The following AACS variants were observed in gnomAD, a reference collection of about 807,000 sequenced individuals.
The protein encoded by AACS is acetoacetyl-CoA synthetase.
A neutral mutation model predicts 83.1 loss-of-function variants in AACS; 69 were observed. That is an observed-to-expected ratio of 0.83 (90% CI 0.68 to 1.01). AACS has a LOEUF of 1.01. Among genes scored for constraint, AACS ranks in the 50% least tolerant of loss-of-function variants. The pLI is 0.00. For missense variants in AACS, 866 were observed against 882.2 expected, an observed-to-expected ratio of 0.98 and a Z score of 0.23; for synonymous variants, 333 against 343.4, an observed-to-expected ratio of 0.97 and a Z score of 0.33.
intron 15 of AACS, 73 bp downstream of exon 15, chr12:125,134,145 G>A: frequency 1.3e-6 from 2 of 1,529,050 alleles, no homozygotes; most frequent in Non-Finnish European, 1.8e-6. Context: ...GAGAGGAGGT[G>A]CTTTCTATAA....
intron 4 of AACS, among the ~76,000 whole-genome samples, chr12:125,087,228 G>A (rs1392834614): frequency 6.6e-6 from 1 of 152,246 alleles, no homozygotes; most frequent in Non-Finnish European, 1.5e-5. Flanking sequence ...GATTGTTCTG[G>A]AAGGAGCAGG....
In AACS at chr12:125,076,564, ACCT is replaced by A; in HGVS notation, c.315_317del (p.Leu106del). ...GGCAGTCGGCTCAACTATGCAGAAA[ACCT>A]CCTGCGGCACAAAGAGAATGACAGA... On this transcript the variant is annotated inframe_deletion, in exon 3 of 18. Transcript: ENST00000316519. The A allele has an allele frequency of 6.2e-7, 1 of 1,614,088 alleles. No homozygotes were observed. Among genetic ancestry groups the A allele is most frequent in the Non-Finnish European group, 8.5e-7 (1 of 1,180,014 alleles).
intron 2 of AACS, among the ~76,000 whole-genome samples, chr12:125,074,661 T>G (rs950467832): frequency 5.0e-5 from 6 of 119,948 alleles, no homozygotes; most frequent in Non-Finnish European, 3.3e-5. Flanking sequence ...ATTGTTGTAG[T>G]TTTTTTTTTT....
At chr12:125,136,976 A>G in intron 17 of AACS, 112 bp downstream of exon 17, 2 of 1,142,972 alleles carry the variant, frequency 1.7e-6, no homozygotes, top group Non-Finnish European at 2.5e-6. Context: ...TCGTTTGTCC[A>G]CGTTGCCTAG....
At chr12:125,069,635 G>A (rs991458684) in intron 1 of AACS, among the ~76,000 whole-genome samples, 3 of 152,224 alleles carry the variant, frequency 2.0e-5, no homozygotes, top group African/African-American at 2.4e-5. Flanking sequence ...CATGCTGCAT[G>A]TACTAGCCCT....
At chr12:125,118,537 G>A (rs1957097639) in intron 9 of AACS, 104 bp from the exon 10 acceptor site, 2 of 1,495,758 alleles carry the variant, frequency 1.3e-6, no homozygotes, top group Non-Finnish European at 9.0e-7. Context: ...ACCAACCTGT[G>A]GCTCCATCTT....
chr12:125,129,414 T>C lies in AACS; in HGVS notation c.1503T>C (p.Asp501=). The C allele has an allele frequency of 1.2e-6, 2 of 1,614,042 alleles. No homozygotes were observed. Among genetic ancestry groups the C allele is most frequent in the Non-Finnish European group, 1.7e-6 (2 of 1,179,988 alleles). Residue 501 remains aspartate, a synonymous_variant, in exon 14 of 18, where the codon GAT becomes GAC. Coordinates refer to ENST00000316519, the MANE Select transcript of AACS (RefSeq NM_023928.5). The surrounding 1 kb of genome is among the most constrained non-coding windows in gnomAD (Gnocchi z 4.3). The part of the protein sequence containing the change: ...IPCQPTHFWN[D]ENGNKYRKAY... ...GCCAGCCCACACACTTCTGGAACGA[T>C]GAGAACGGCAACAAGTACAGGAAGG...
chr12:125,089,727 A>G (rs1337668475), intron 4 of AACS, among the ~76,000 whole-genome samples: 2 of 151,622 alleles, frequency 1.3e-5, no homozygotes, highest in African/African-American at 2.4e-5. Flanking sequence ...CCATCTATCC[A>G]TCCTTCTCTC....
intron 1 of AACS, among the ~76,000 whole-genome samples, chr12:125,067,799 G>T (rs933719941): frequency 6.6e-6 from 1 of 152,202 alleles, no homozygotes; most frequent in Non-Finnish European, 1.5e-5. Context: ...CTCCCAAAGT[G>T]CTGGGATTAC....
chr12:125,083,115 C>T (rs1226324549), intron 3 of AACS, among the ~76,000 whole-genome samples: 1 of 152,196 alleles, frequency 6.6e-6, no homozygotes, highest in Non-Finnish European at 1.5e-5. Flanking sequence ...GCTGGGTGAT[C>T]ACTCATCAAG....
At chr12:125,139,236 T>C (rs1342638460) in intron 17 of AACS, 1 of 152,252 alleles carries the variant, frequency 6.6e-6, no homozygotes, top group African/African-American at 2.4e-5. Context: ...ATCTCTGATC[T>C]GTGACACGAG....
At chr12:125,120,509 G>T (rs1351985265) in intron 10 of AACS, 1 of 152,182 alleles carries the variant, frequency 6.6e-6, no homozygotes, top group East Asian at 1.9e-4. Context: ...ATTTCCTAAT[G>T]AGATTGTTTC....
At chr12:125,135,137 CTTT>C (rs746998324) in intron 16 of AACS, among the ~76,000 whole-genome samples, 1 of 144,312 alleles carries the variant, frequency 6.9e-6, no homozygotes, top group African/African-American at 2.5e-5. Context: ...TCTATCTACT[CTTT>C]TTTTTTTTTT....
intron 7 of AACS, among the ~76,000 whole-genome samples, chr12:125,103,697 C>G (rs1956767184): frequency 6.6e-6 from 1 of 152,104 alleles, no homozygotes; most frequent in Non-Finnish European, 1.5e-5. Flanking sequence ...TTGTAAGAAT[C>G]TTCATTTTTG....
chr12:125,069,562 C>T (rs1282055597), intron 1 of AACS, among the ~76,000 whole-genome samples: 2 of 152,224 alleles, frequency 1.3e-5, no homozygotes, highest in Non-Finnish European at 1.5e-5. Flanking sequence ...TCCTTGGGGT[C>T]GGCTGCAGCT....
intron 5 of AACS, 139 bp from the exon 6 acceptor site, chr12:125,102,540 C>G (rs78788129): frequency 5.4e-6 from 4 of 736,806 alleles, no homozygotes; most frequent in East Asian, 5.2e-5. Context: ...GCATAGCTCA[C>G]TCCAACCTTG....
At chr12:125,082,731 G>T (rs1035397352) in intron 3 of AACS, among the ~76,000 whole-genome samples, 1 of 152,150 alleles carries the variant, frequency 6.6e-6, no homozygotes, top group Non-Finnish European at 1.5e-5. Context: ...TGAGGCAGGA[G>T]AATTGCTTGA....
rs374116737 is a variant in AACS at position 125,124,894 on chromosome 12, C to T, written c.1187-8C>T. 1.4e-5 allele frequency: 22 copies of T among 1,614,088 alleles called. No homozygotes were observed. Among genetic ancestry groups the T allele is most frequent in the Admixed American group, 3.3e-5 (2 of 60,004 alleles). On this transcript the variant is annotated splice_region_variant and splice_polypyrimidine_tract_variant and intron_variant, in intron 11 of 17. Coordinates refer to ENST00000316519, the MANE Select transcript of AACS (RefSeq NM_023928.5). ...TAGTTTTAATCTTTTGGTGACTCTG[C>T]ACCCCAGTGGAAACCCACAGTCTCC...
chr12:125,103,178 G>A (rs1956754931), intron 7 of AACS, 97 bp downstream of exon 7: 2 of 1,037,366 alleles, frequency 1.9e-6, no homozygotes, highest in Non-Finnish European at 2.9e-6. Context: ...GTCACTCAGA[G>A]AATTTTAGAA....
Sources: gnomAD v4.1 joint callset for allele counts (sites outside exome capture counted in the v4.1 genomes callset) on GRCh38, gnomAD v4.1.1 for gene constraint, Gnocchi (gnomAD v3.1) non-coding constraint, MANE v1.5 for transcripts, NCBI Gene and HGNC (gene_info 2026-07-23, HGNC 2026-07-21) for gene names.